DPYSL2: variants seen among roughly 807,000 people sequenced by gnomAD.
DPYSL2 encodes dihydropyrimidinase like 2.
A neutral mutation model predicts 69.9 loss-of-function variants in DPYSL2; 13 were observed. The ratio of observed to expected loss-of-function variants is 0.19; its 90% CI spans 0.12 to 0.30. The LOEUF is 0.30. DPYSL2 is among the 10% of genes least tolerant of loss of function. DPYSL2 has a pLI of 1.00. For synonymous variants in DPYSL2, 326 were observed against 359.1 expected, an observed-to-expected ratio of 0.91 and a Z score of 1.04; for missense variants, 587 against 918.9, an observed-to-expected ratio of 0.64 and a Z score of 4.67.
intron 3 of DPYSL2, among the ~76,000 whole-genome samples, chr8:26,616,519 C>T: frequency 6.6e-6 from 1 of 152,176 alleles, no homozygotes; most frequent in East Asian, 1.9e-4. Flanking sequence ...GGCTGATTCA[C>T]ACACATTGAA....
chr8:26,633,608 C>T (rs534638052), intron 7 of DPYSL2, among the ~76,000 whole-genome samples: 8 of 152,136 alleles, frequency 5.3e-5, no homozygotes, highest in African/African-American at 9.7e-5. Flanking sequence ...GTTGGAATTA[C>T]AGGCATGCGC....
At chr8:26,515,997 T>C (rs996537567) in intron 1 of DPYSL2, among the ~76,000 whole-genome samples, 4 of 152,230 alleles carry the variant, frequency 2.6e-5, no homozygotes, top group African/African-American at 4.8e-5. Flanking sequence ...TTGGTGATGA[T>C]GGTTGGGGCA....
At chr8:26,578,306 C>T (rs1278213681) in intron 1 of DPYSL2, 1 of 1,613,904 alleles carries the variant, frequency 6.2e-7, no homozygotes, top group East Asian at 2.2e-5. Flanking sequence ...GAGTTTGGTA[C>T]TTGGGAAATC....
intron 4 of DPYSL2, among the ~76,000 whole-genome samples, chr8:26,625,364 G>A (rs907860201): frequency 1.3e-5 from 2 of 152,188 alleles, no homozygotes; most frequent in African/African-American, 2.4e-5. Flanking sequence ...TGGTTTAACT[G>A]TGGATACTTA....
rs187899731 is a variant in DPYSL2 at position 26,626,689 on chromosome 8, C to A, written c.855+11C>A. ...CTAACGGATTGCCAGGTAAGAAAGT[C>A]GGCTTTTCGGAAGAGGCACCCTGAC... On this transcript the variant is annotated intron_variant, in intron 5 of 13. Transcript: ENST00000521913. This position sits in a 1 kb window ranked among gnomAD's most constrained non-coding sequence, Gnocchi z 4.3. 6 of 1,613,892 alleles carry A rather than the reference C, an allele frequency of 3.7e-6. No individual in the cohort carries two copies. The highest frequency in any genetic ancestry group is 5.1e-6 in the Non-Finnish European group (6 of 1,179,964).
Position 26,652,081 on chromosome 8 carries a change from T to TAAG in DPYSL2, c.1597-175_1597-174insAGA, listed in dbSNP as rs1803289356. Among the ~76,000 whole-genome samples, 1 of 152,208 alleles carries TAAG rather than the reference T, an allele frequency of 6.6e-6. No homozygotes were observed. The highest frequency in any genetic ancestry group is 2.1e-4 in the South Asian group (1 of 4,828). ...AGGTAGAAAAAGTTATTTCATATTC[T>TAAG]AGACAGGGAAATGGAGACACAGCAA... On this transcript the variant is annotated intron_variant, in intron 11 of 13. Coordinates refer to ENST00000521913, the MANE Select transcript of DPYSL2 (RefSeq NM_001197293.3). This position sits in a 1 kb window ranked among gnomAD's most constrained non-coding sequence, Gnocchi z 6.3.
Position 26,597,221 on chromosome 8 carries a change from A to G in DPYSL2, c.628+13238A>G, listed in dbSNP as rs1047843881. On this transcript the variant is annotated intron_variant, in intron 3 of 13. Transcript: ENST00000521913. This position sits in a 1 kb window ranked among gnomAD's most constrained non-coding sequence, Gnocchi z 5.2. ...GAGGGGGATTTGGAGAGCAATCAAG[A>G]GGAGTAACTGATGCCATGCATTCAT... Among the ~76,000 whole-genome samples the G allele has an allele frequency of 2.6e-5, 4 of 152,196 alleles. No individual in the cohort carries two copies. The highest frequency in any genetic ancestry group is 9.7e-5 in the African/African-American group (4 of 41,446).
intron 3 of DPYSL2, among the ~76,000 whole-genome samples, chr8:26,612,504 T>C (rs1423414217): frequency 1.3e-5 from 2 of 152,142 alleles, no homozygotes; most frequent in Non-Finnish European, 2.9e-5. Context: ...CATTAAAAAT[T>C]GAATTAGTAA....
At chr8:26,528,370 C>T (rs1370218025) in intron 1 of DPYSL2, among the ~76,000 whole-genome samples, 3 of 152,180 alleles carry the variant, frequency 2.0e-5, no homozygotes, top group Admixed American at 6.5e-5. Context: ...AGAAATGGGC[C>T]GGGCGCGGTG....
Position 26,627,163 on chromosome 8 carries a change from A to G in DPYSL2, c.856-52A>G, listed in dbSNP as rs181823101. 1.4e-5 allele frequency: 22 copies of G among 1,536,384 alleles called. No homozygotes were observed. Among genetic ancestry groups the G allele is most frequent in the Non-Finnish European group, 2.0e-5 (22 of 1,109,810 alleles). The stretch of plus-strand genomic sequence containing the variant: ...TGGTGGGGAGATGATTGTCTTTGTG[A>G]ACAGGAAGATGGAAGTCCCTGTCTC... On this transcript the variant is annotated intron_variant, in intron 5 of 13. Transcript: ENST00000521913. The surrounding 1 kb of genome is among the most constrained non-coding windows in gnomAD (Gnocchi z 6.9).
At chr8:26,604,023 G>A (rs1390510175) in intron 3 of DPYSL2, among the ~76,000 whole-genome samples, 2 of 152,074 alleles carry the variant, frequency 1.3e-5, no homozygotes, top group African/African-American at 4.8e-5. Flanking sequence ...CGCATCATAC[G>A]GTAATTCTGC....
In DPYSL2 at chr8:26,548,632, C is replaced by T. The variant is rs143670639; in HGVS notation, c.355-33337C>T. ...GTGTGGTGGCTTATGTCTGTAATCCCAGCACTTTGGGAGTCTGAGGCAGGA... is the reference window on the plus strand; with the variant it reads ...GTGTGGTGGCTTATGTCTGTAATCCTAGCACTTTGGGAGTCTGAGGCAGGA... On this transcript the variant is annotated intron_variant, in intron 1 of 13. Transcript: ENST00000521913. 2.6e-3 allele frequency among the ~76,000 whole-genome samples: 393 copies of T among 151,848 alleles called. 3 individuals are homozygous for T. Among genetic ancestry groups the T allele is most frequent in the African/African-American group, 9.2e-3 (379 of 41,420 alleles).
chr8:26,601,229 C>A (rs1332274119), intron 3 of DPYSL2, among the ~76,000 whole-genome samples: 1 of 152,168 alleles, frequency 6.6e-6, no homozygotes, highest in Admixed American at 6.5e-5. Flanking sequence ...CTACTTTACC[C>A]ATGAGAGCAT....
chr8:26,578,488 T>C (rs1585520254), intron 1 of DPYSL2: 2 of 1,443,958 alleles, frequency 1.4e-6, no homozygotes, highest in African/African-American at 1.4e-5. Context: ...GTCGCATCGT[T>C]TGCAAGGCAT....
intron 7 of DPYSL2, among the ~76,000 whole-genome samples, chr8:26,633,619 C>T (rs1286474819): frequency 6.6e-6 from 1 of 152,136 alleles, no homozygotes; most frequent in Non-Finnish European, 1.5e-5. Flanking sequence ...AGGCATGCGC[C>T]ACCATGCCTG....
chr8:26,537,893 T>A (rs1175882233), intron 1 of DPYSL2, among the ~76,000 whole-genome samples: 2 of 152,200 alleles, frequency 1.3e-5, no homozygotes, highest in Admixed American at 6.5e-5. Flanking sequence ...GTCGTGTATT[T>A]TTTCCTTCTA....
intron 1 of DPYSL2, chr8:26,548,083 T>C (rs1800809303): frequency 8.7e-6 from 2 of 230,954 alleles, no homozygotes; most frequent in South Asian, 7.3e-5. Flanking sequence ...ATCCCCAAGA[T>C]TGAGGATGGA....
At chr8:26,572,652 A>G (rs1375123346) in intron 1 of DPYSL2, among the ~76,000 whole-genome samples, 7 of 152,094 alleles carry the variant, frequency 4.6e-5, no homozygotes, top group Admixed American at 1.3e-4. Flanking sequence ...GGCGTCCCCT[A>G]CCACGCCCAG....
chr8:26,546,116 C>T (rs551210730), intron 1 of DPYSL2, among the ~76,000 whole-genome samples: 142 of 152,276 alleles, frequency 9.3e-4, no homozygotes, highest in African/African-American at 3.3e-3. Flanking sequence ...TCTTCCAATC[C>T]ATGAACTTGG....
Sources: allele counts gnomAD v4.1 joint callset (sites outside exome capture counted in the v4.1 genomes callset), GRCh38; gene constraint gnomAD v4.1.1; non-coding constraint Gnocchi (gnomAD v3.1); transcripts MANE v1.5; gene names NCBI Gene and HGNC (gene_info 2026-07-23, HGNC 2026-07-21).